SH3RF3: variants seen among roughly 807,000 people sequenced by gnomAD.
The protein encoded by SH3RF3 is E3 ubiquitin-protein ligase SH3RF3.
A neutral mutation model predicts 66.3 loss-of-function variants in SH3RF3; 29 were observed. The ratio of observed to expected loss-of-function variants is 0.44; its 90% CI spans 0.33 to 0.60. The LOEUF (loss-of-function observed/expected upper bound fraction) is 0.60, where lower values mean the gene tolerates loss of function less well. SH3RF3 is among the 20% of genes least tolerant of loss of function. SH3RF3 has a pLI of 0.04. For synonymous variants in SH3RF3, 583 were observed against 532.0 expected (o/e 1.10, Z -1.32); for missense variants, 1,194 against 1,190.9 (o/e 1.00, Z -0.04).
chr2:109,259,587 G>A (rs1350222032), intron 1 of SH3RF3, among the ~76,000 whole-genome samples: 1 of 152,244 alleles, frequency 6.6e-6, no homozygotes, highest in Non-Finnish European at 1.5e-5. Context: ...ATGCCCTGGA[G>A]TTACCATGTT....
rs540760344 is a variant in SH3RF3, at chr2:109,301,909, G to A, written c.574-45765G>A. ...GGGTGTTGGCCTAAGTAGCTTCCCC[G>A]GTGCGGGACCGGGGTCCATTTTCTG... On this transcript the variant is annotated intron_variant, in intron 1 of 9. Coordinates refer to ENST00000309415, the MANE Select transcript of SH3RF3 (RefSeq NM_001099289.3). 6.6e-5 allele frequency among the ~76,000 whole-genome samples: 10 copies of A among 152,270 alleles called. No individual in the cohort carries two copies. The East Asian group carries it at 1.7e-3, about 27-fold the overall frequency.
At chr2:109,405,433 G>C (rs572856702) in intron 4 of SH3RF3, among the ~76,000 whole-genome samples, 67 of 152,226 alleles carry the variant, frequency 4.4e-4, no homozygotes, top group African/African-American at 1.4e-3. Context: ...ACTGGCCCTT[G>C]GTTGCCTCTC....
At chr2:109,249,604 T>C (rs974813606) in intron 1 of SH3RF3, among the ~76,000 whole-genome samples, 1 of 147,574 alleles carries the variant, frequency 6.8e-6, no homozygotes, top group African/African-American at 2.6e-5. Flanking sequence ...TTTCTTTTTC[T>C]TTCTTTCTTT....
chr2:109,340,115 T>A (rs1682526672), intron 1 of SH3RF3, among the ~76,000 whole-genome samples: 1 of 152,270 alleles, frequency 6.6e-6, no homozygotes, highest in South Asian at 2.1e-4. Context: ...AGCTAAATAA[T>A]GGCTGAGTTA....
chr2:109,227,306 A>G (rs62151308), intron 1 of SH3RF3, among the ~76,000 whole-genome samples: 44,906 of 152,038 alleles, frequency 0.3, 7,627 homozygotes, highest in South Asian at 0.39. Flanking sequence ...CAGGCACACA[A>G]AGCTACACGT....
intron 1 of SH3RF3, among the ~76,000 whole-genome samples, chr2:109,191,334 T>C (rs368973904): frequency 6.6e-6 from 1 of 152,202 alleles, no homozygotes; most frequent in African/African-American, 2.4e-5. Flanking sequence ...AGGAGCTCCG[T>C]GAGGACCCTG....
In SH3RF3 at chr2:109,247,645, GCTGCGTTAGCTCTTC is replaced by G. The variant is rs554835397; in HGVS notation, c.574-100026_574-100012del. Among the ~76,000 whole-genome samples, 325 of 152,328 alleles carry G rather than the reference GCTGCGTTAGCTCTTC, an allele frequency of 2.1e-3. 1 individual carries two copies. Among genetic ancestry groups the G allele is most frequent in the African/African-American group, 7.5e-3 (312 of 41,568 alleles). On this transcript the variant is annotated intron_variant, in intron 1 of 9. Transcript: ENST00000309415. ...TTAACACCTCACAGTTGACGGACTG[GCTGCGTTAGCTCTTC>G]CTTTGTTAGTTTCTGATTGCCAGTG...
chr2:109,317,259 T>G (rs1242306580), intron 1 of SH3RF3, among the ~76,000 whole-genome samples: 1 of 152,122 alleles, frequency 6.6e-6, no homozygotes, highest in African/African-American at 2.4e-5. Flanking sequence ...ATTTCCTGCT[T>G]GTGCACAGAT....
intron 1 of SH3RF3, among the ~76,000 whole-genome samples, chr2:109,325,381 A>G (rs1228327768): frequency 8.4e-6 from 1 of 118,896 alleles, no homozygotes; most frequent in African/African-American, 3.4e-5. Flanking sequence ...TTGCTCTGTC[A>G]CTCAGGCTGG....
chr2:109,192,786 G>T (rs1228487860), intron 1 of SH3RF3, among the ~76,000 whole-genome samples: 1 of 152,146 alleles, frequency 6.6e-6, no homozygotes, highest in African/African-American at 2.4e-5. Flanking sequence ...AGTGACAGAC[G>T]AGTTCAGACT....
intron 2 of SH3RF3, among the ~76,000 whole-genome samples, chr2:109,353,370 C>T (rs1203157993): frequency 1.3e-5 from 2 of 152,232 alleles, no homozygotes; most frequent in African/African-American, 4.8e-5. Context: ...GAGGTGGGGG[C>T]TACCCTCTCC....
intron 1 of SH3RF3, among the ~76,000 whole-genome samples, chr2:109,345,964 C>G (rs1220954898): frequency 6.6e-6 from 1 of 152,196 alleles, no homozygotes; most frequent in African/African-American, 2.4e-5. Flanking sequence ...CCAAATTGTC[C>G]CAAATTAAGA....
At chr2:109,170,269 C>A (rs371197098) in intron 1 of SH3RF3, among the ~76,000 whole-genome samples, 1 of 78,328 alleles carries the variant, frequency 1.3e-5, no homozygotes, top group Non-Finnish European at 3.2e-5. Flanking sequence ...CTTCTCTTCT[C>A]TTCTCTTCTC....
chr2:109,350,703 C>T (rs376634839), intron 2 of SH3RF3, among the ~76,000 whole-genome samples: 2 of 152,358 alleles, frequency 1.3e-5, no homozygotes, highest in South Asian at 2.1e-4. Context: ...CCATGCCTGG[C>T]ATGCAGCTGA....
At chr2:109,270,254 C>T (rs1680593689) in intron 1 of SH3RF3, among the ~76,000 whole-genome samples, 2 of 152,162 alleles carry the variant, frequency 1.3e-5, no homozygotes, top group African/African-American at 4.8e-5. Context: ...GGCTGGAACA[C>T]CTGAAGCGTA....
chr2:109,494,410 T>G (rs756696954), intron 9 of SH3RF3, among the ~76,000 whole-genome samples: 8 of 152,108 alleles, frequency 5.3e-5, no homozygotes, highest in Non-Finnish European at 8.8e-5. Context: ...CTCAACATGG[T>G]AGCCACAGGC....
intron 1 of SH3RF3, among the ~76,000 whole-genome samples, chr2:109,134,887 T>A: frequency 6.6e-6 from 1 of 152,190 alleles, no homozygotes; most frequent in East Asian, 1.9e-4. Context: ...CAGCATCAAA[T>A]CTGTTGTGGC....
intron 1 of SH3RF3, among the ~76,000 whole-genome samples, chr2:109,183,083 C>T (rs1437760041): frequency 1.3e-5 from 2 of 152,186 alleles, no homozygotes; most frequent in African/African-American, 4.8e-5. Flanking sequence ...ATTTATTCAG[C>T]ACTAAAAATT....
chr2:109,374,954 C>T (rs1039125872), intron 3 of SH3RF3, among the ~76,000 whole-genome samples: 4 of 152,244 alleles, frequency 2.6e-5, no homozygotes, highest in Non-Finnish European at 5.9e-5. Context: ...GTGTCTCCAC[C>T]AGGGCCTGCC....
Sources: gnomAD v4.1 joint callset for allele counts (sites outside exome capture counted in the v4.1 genomes callset) on GRCh38, gnomAD v4.1.1 for gene constraint, MANE v1.5 for transcripts, NCBI Gene and HGNC (gene_info 2026-07-23, HGNC 2026-07-21) for gene names.